Variants in PRTG observed in about 807,000 individuals in gnomAD.
PRTG encodes immunoglobulin superfamily, DCC subclass, member 5.
A neutral mutation model predicts 122.5 loss-of-function variants in PRTG; 67 were observed. The observed-to-expected ratio is 0.55, with a 90% confidence interval of 0.45 to 0.67. The LOEUF is 0.67. Among genes scored for constraint, PRTG ranks in the 30% least tolerant of loss-of-function variants. PRTG has a pLI of 0.00. For missense variants in PRTG, 1,435 were observed against 1,415.4 expected, an observed-to-expected ratio of 1.01 and a Z score of -0.22; for synonymous variants, 554 against 501.1, an observed-to-expected ratio of 1.11 and a Z score of -1.41.
chr15:55,680,350 A>G (rs2059530623), intron 5 of PRTG, 138 bp from the exon 6 acceptor site: 1 of 1,119,144 alleles, frequency 8.9e-7, no homozygotes, highest in South Asian at 1.9e-5. Context: ...CCTTTTCTCT[A>G]CTCACTGAAA....
At chr15:55,678,115 C>T in intron 7 of PRTG, 71 bp from the exon 8 acceptor site, 1 of 845,278 alleles carries the variant, frequency 1.2e-6, no homozygotes, top group Non-Finnish European at 1.8e-6. Flanking sequence ...TTAGCTATTG[C>T]TAAATATACT....
intron 11 of PRTG, among the ~76,000 whole-genome samples, chr15:55,650,587 T>C (rs953383945): frequency 2.0e-5 from 3 of 152,074 alleles, no homozygotes; most frequent in African/African-American, 7.2e-5. Context: ...CACAGAGCTT[T>C]GAGAGCCATT....
chr15:55,676,288 GA>G (rs1380357641), intron 8 of PRTG, among the ~76,000 whole-genome samples: 1 of 151,330 alleles, frequency 6.6e-6, no homozygotes, highest in Non-Finnish European at 1.5e-5. Flanking sequence ...TTTTTTAAGA[GA>G]AAAAAATTCT....
chr15:55,737,971 G>T (rs2031465572), intron 2 of PRTG, among the ~76,000 whole-genome samples: 1 of 116,888 alleles, frequency 8.6e-6, no homozygotes, highest in Non-Finnish European at 1.7e-5. Flanking sequence ...TCCACTTAAT[G>T]CCTATTCTCT....
chr15:55,723,331 A>G (rs1166365115), intron 2 of PRTG, among the ~76,000 whole-genome samples: 1 of 152,024 alleles, frequency 6.6e-6, no homozygotes, highest in African/African-American at 2.4e-5. Flanking sequence ...AAAATTTCAA[A>G]TGTTTTAAAA....
intron 4 of PRTG, among the ~76,000 whole-genome samples, chr15:55,680,934 A>C (rs1040960568): frequency 6.6e-6 from 1 of 152,130 alleles, no homozygotes; most frequent in Non-Finnish European, 1.5e-5. Flanking sequence ...GTAACCACTA[A>C]TCTACTTTCA....
In PRTG at chr15:55,742,947, G is replaced by C; in HGVS notation, c.-16C>G. ...GAGGCGCCATTCAGCGTAGCCGCGC[G>C]GGCATGCTCCCCGGCCGCCCAGAGC... On this transcript the variant is annotated 5_prime_UTR_variant, in exon 1 of 20. Transcript: ENST00000389286. 1 of 1,502,516 alleles carries C rather than the reference G, an allele frequency of 6.7e-7. No homozygotes were observed. Among genetic ancestry groups the C allele is most frequent in the Middle Eastern group, 2.4e-4 (1 of 4,216 alleles). The allele number at this position is 1,502,516 out of a possible 1,614,324, so 93.1% of individuals were successfully genotyped here.
chr15:55,690,038 A>C (rs537904694), intron 2 of PRTG, among the ~76,000 whole-genome samples: 3 of 152,230 alleles, frequency 2.0e-5, no homozygotes, highest in African/African-American at 4.8e-5. Flanking sequence ...TATGAAAACA[A>C]TATCTCTGCT....
chr15:55,742,379 G>A (rs1193068542), intron 1 of PRTG: 1 of 155,440 alleles, frequency 6.4e-6, no homozygotes, highest in African/African-American at 2.4e-5. Context: ...AAGCCGCGAG[G>A]AACCGCGGCG....
chr15:55,718,086 C>A (rs2030666855), intron 2 of PRTG, among the ~76,000 whole-genome samples: 1 of 152,010 alleles, frequency 6.6e-6, no homozygotes, highest in Non-Finnish European at 1.5e-5. Context: ...CTTTTTTTTA[C>A]TCTCTTCTCC....
chr15:55,701,130 G>A (rs896689082), intron 2 of PRTG, among the ~76,000 whole-genome samples: 1 of 152,192 alleles, frequency 6.6e-6, no homozygotes, highest in Non-Finnish European at 1.5e-5. Flanking sequence ...CCAAGTTCTG[G>A]TGAGGATATG....
At chr15:55,698,062 C>G (rs1225875453) in intron 2 of PRTG, among the ~76,000 whole-genome samples, 2 of 152,102 alleles carry the variant, frequency 1.3e-5, no homozygotes, top group Admixed American at 6.5e-5. Flanking sequence ...CAACTTGCAC[C>G]AAGGTTAACC....
At chr15:55,710,708 T>C (rs1315913863) in intron 2 of PRTG, among the ~76,000 whole-genome samples, 1 of 152,212 alleles carries the variant, frequency 6.6e-6, no homozygotes, top group African/African-American at 2.4e-5. Context: ...TAAACAGTTA[T>C]GTTTCTTTTA....
At chr15:55,628,717 G>T in intron 16 of PRTG, 105 bp downstream of exon 16, 1 of 861,404 alleles carries the variant, frequency 1.2e-6, no homozygotes. Flanking sequence ...TTACGGAACT[G>T]AGAGCCGGTT....
chr15:55,656,590 C>T (rs1255970317), intron 11 of PRTG, among the ~76,000 whole-genome samples: 1 of 152,180 alleles, frequency 6.6e-6, no homozygotes. Flanking sequence ...TCACAGCAAG[C>T]TCTGCCTCCC....
chr15:55,736,268 A>G (rs1182217921), intron 2 of PRTG, among the ~76,000 whole-genome samples: 2 of 152,116 alleles, frequency 1.3e-5, no homozygotes, highest in Non-Finnish European at 2.9e-5. Flanking sequence ...TAAAACAGTG[A>G]CCGTGTAGCA....
At chr15:55,623,623 CA>C (rs1222993964) in intron 18 of PRTG, among the ~76,000 whole-genome samples, 1 of 152,144 alleles carries the variant, frequency 6.6e-6, no homozygotes, top group African/African-American at 2.4e-5. Context: ...AAACAGGCCC[CA>C]GGCTAGCCTG....
At chr15:55,720,349 T>C (rs2030767557) in intron 2 of PRTG, among the ~76,000 whole-genome samples, 1 of 152,068 alleles carries the variant, frequency 6.6e-6, no homozygotes, top group African/African-American at 2.4e-5. Context: ...GGGGCGAGAC[T>C]CTACCTCCAA....
chr15:55,628,786 TAAGAAAA>T, intron 16 of PRTG, 29 bp downstream of exon 16: 2 of 1,530,276 alleles, frequency 1.3e-6, no homozygotes, highest in Admixed American at 2.0e-5. Context: ...CTTTTTTTCT[TAAGAAAA>T]ATCACAGTGA....
Sources: gnomAD v4.1 joint callset for allele counts (sites outside exome capture counted in the v4.1 genomes callset) on GRCh38, gnomAD v4.1.1 for gene constraint, MANE v1.5 for transcripts, NCBI Gene and HGNC (gene_info 2026-07-23, HGNC 2026-07-21) for gene names.